CIITA: variants seen among roughly 807,000 people sequenced by gnomAD.
The protein encoded by CIITA is MHC class II transactivator.
A neutral mutation model predicts 115.1 loss-of-function variants in CIITA; 72 were observed. That is an observed-to-expected ratio of 0.63 (90% CI 0.52 to 0.76). The LOEUF (loss-of-function observed/expected upper bound fraction) is 0.76, where lower values mean the gene tolerates loss of function less well. CIITA is among the 30% of genes least tolerant of loss of function. The pLI, the probability that CIITA is intolerant of heterozygous loss-of-function variation, is 0.00. For synonymous variants in CIITA, 763 were observed against 635.6 expected, an observed-to-expected ratio of 1.20 and a Z score of -3.02; for missense variants, 1,617 against 1,463.8, an observed-to-expected ratio of 1.10 and a Z score of -1.71.
chr16:10,883,721 G>A (rs958848276), intron 1 of CIITA, among the ~76,000 whole-genome samples: 4 of 152,194 alleles, frequency 2.6e-5, no homozygotes, highest in African/African-American at 9.7e-5. Context: ...ATGGAGATTT[G>A]CATATAGGAG....
At chr16:10,908,643 G>A (rs565022058) in intron 11 of CIITA, 44 of 452,700 alleles carry the variant, frequency 9.7e-5, no homozygotes, top group South Asian at 9.2e-4. Context: ...CCACTGTCAG[G>A]ATGAAGGCTA....
At chr16:10,888,288 T>C (rs2037165561) in intron 1 of CIITA, 1 of 152,198 alleles carries the variant, frequency 6.6e-6, no homozygotes. Flanking sequence ...AAACTGAGGC[T>C]CCAAGTGGTT....
chr16:10,866,262 G>C (rs753622722), exon 1 of CIITA: 2 of 544,052 alleles, frequency 3.7e-6, no homozygotes, highest in East Asian at 3.8e-5. Context: ...CACTGGCCAG[G>C]GCAGCTGCCC....
rs201215476 is a variant in CIITA at position 10,907,010 on chromosome 16, G to C, written c.1518G>C (p.Ala506=). Residue 506 remains alanine, a synonymous_variant, in exon 11 of 20, where the codon GCG becomes GCC. Coordinates refer to ENST00000324288, the MANE Select transcript of CIITA (RefSeq NM_000246.4). The surrounding 1 kb of genome is among the most constrained non-coding windows in gnomAD (Gnocchi z 5.0). ...LILDGFEELE[A]QDGFLHSTCG... ...TAGACGGCTTCGAGGAGCTGGAAGC[G>C]CAAGATGGCTTCCTGCACAGCACGT... 6.2e-7 allele frequency: 1 copy of C among 1,609,546 alleles called. No homozygotes were observed. The highest frequency in any genetic ancestry group is 8.5e-7 in the Non-Finnish European group (1 of 1,179,838).
At chr16:10,881,433 A>G (rs2036423827) in intron 1 of CIITA, among the ~76,000 whole-genome samples, 1 of 151,934 alleles carries the variant, frequency 6.6e-6, no homozygotes, top group Non-Finnish European at 1.5e-5. Context: ...TAGGAAGGAC[A>G]TAGATAGTTT....
chr16:10,909,311 T>A, intron 12 of CIITA, 124 bp downstream of exon 12: 2 of 1,013,944 alleles, frequency 2.0e-6, no homozygotes, highest in Non-Finnish European at 3.1e-6. Flanking sequence ...CCATGCCCTC[T>A]TTCTGGGCAA....
intron 10 of CIITA, among the ~76,000 whole-genome samples, chr16:10,905,408 TC>T (rs1393802911): frequency 2.0e-5 from 3 of 152,026 alleles, no homozygotes. Flanking sequence ...TCCCATGACC[TC>T]CCCATGGTGA....
intron 13 of CIITA, chr16:10,915,141 C>G (rs926465401): frequency 2.3e-6 from 1 of 430,478 alleles, no homozygotes. Context: ...TCCTCCACCT[C>G]CTGGGCTCAA....
chr16:10,922,514 G>A, intron 18 of CIITA, 24 bp downstream of exon 18: 1 of 1,612,530 alleles, frequency 6.2e-7, no homozygotes, highest in Non-Finnish European at 8.5e-7. Context: ...ACCCTGGTGG[G>A]TGGAGAACAA....
Position 10,906,560 on chromosome 16 carries a change from G to T in CIITA, c.1068G>T (p.Pro356=). 6.2e-7 allele frequency: 1 copy of T among 1,613,160 alleles called. No individual in the cohort carries two copies. Among genetic ancestry groups the T allele is most frequent in the Non-Finnish European group, 8.5e-7 (1 of 1,180,012 alleles). ...QDTYGAEPAG[P]DGILVEVDLV... Reference sequence around the variant, plus strand: ...CGTATGGTGCCGAGCCCGCAGGCCCGGATGGCATCCTAGTGGAGGTGGATC... The same window carrying T: ...CGTATGGTGCCGAGCCCGCAGGCCCTGATGGCATCCTAGTGGAGGTGGATC... Residue 356 remains proline (P), a synonymous_variant, in exon 11 of 20, where the codon CCG becomes CCT. Transcript: ENST00000324288.
intron 5 of CIITA, among the ~76,000 whole-genome samples, chr16:10,899,217 G>C (rs1265491895): frequency 1.3e-5 from 2 of 152,156 alleles, no homozygotes; most frequent in Non-Finnish European, 2.9e-5. Flanking sequence ...CACAAGGCCT[G>C]TATGGCCCTT....
chr16:10,929,525 T>C lies in CIITA; in HGVS notation c.*5670T>C. The C allele has an allele frequency of 8.1e-6, 8 of 985,488 alleles. No homozygotes were observed. Among genetic ancestry groups the C allele is most frequent in the Non-Finnish European group, 9.6e-6 (8 of 829,932 alleles). The allele number at this position is 985,488 out of a possible 1,614,324, so 61.0% of individuals were successfully genotyped here. Reference sequence around the variant, plus strand: ...ACTCTCCTGGGTTCAAACAGGAACCTCTCTGTTGGCACGAAGCTTTTGAGG... The same window carrying C: ...ACTCTCCTGGGTTCAAACAGGAACCCCTCTGTTGGCACGAAGCTTTTGAGG... On this transcript the variant is annotated 3_prime_UTR_variant, in exon 20 of 20. Transcript: ENST00000324288. The surrounding 1 kb of genome is among the most constrained non-coding windows in gnomAD (Gnocchi z 4.3).
upstream of CIITA, among the ~76,000 whole-genome samples, chr16:10,876,053 G>C (rs2035816487): frequency 6.6e-6 from 1 of 151,972 alleles, no homozygotes; most frequent in Non-Finnish European, 1.5e-5. Context: ...GGGAGGCTGA[G>C]GCAGGAGAAT....
At chr16:10,868,982 GC>G (rs1229170608) in intron 1 of CIITA, among the ~76,000 whole-genome samples, 1 of 152,226 alleles carries the variant, frequency 6.6e-6, no homozygotes. Flanking sequence ...CTGCTGCTGG[GC>G]AGCTCTCAGA....
Position 10,907,863 on chromosome 16 carries a change from A to T in CIITA, c.2371A>T (p.Arg791Trp). The T allele has an allele frequency of 6.2e-7, 1 of 1,609,862 alleles. No homozygotes were observed. Among genetic ancestry groups the T allele is most frequent in the Non-Finnish European group, 8.5e-7 (1 of 1,177,562 alleles). ...SVDRKQKVLA[R>W]YLKRLQPGTL... ...GGACAGGAAGCAGAAGGTGCTTGCG[A>T]GGTACCTGAAGCGGCTGCAGCCGGG... The change falls in exon 11 of 20, where the codon AGG (arginine) becomes TGG (tryptophan). Residue 791 changes from arginine (R) to tryptophan (W), a missense_variant. Arg to Trp is a moderately radical substitution (Grantham distance 101). Coordinates refer to ENST00000324288, the MANE Select transcript of CIITA (RefSeq NM_000246.4). This position sits in a 1 kb window ranked among gnomAD's most constrained non-coding sequence, Gnocchi z 5.0.
chr16:10,906,414 A>T (rs1406713352), intron 10 of CIITA, 85 bp from the exon 11 acceptor site: 5 of 1,419,218 alleles, frequency 3.5e-6, no homozygotes, highest in African/African-American at 2.8e-5. Flanking sequence ...GATGTAAATG[A>T]TGGTGGCAGT....
intron 12 of CIITA, 143 bp downstream of exon 12, chr16:10,909,330 C>G (rs2039399419): frequency 1.1e-6 from 1 of 895,474 alleles, no homozygotes; most frequent in African/African-American, 1.6e-5. Context: ...AATGGCTAAC[C>G]AGAGTCTCTC....
chr16:10,907,296 C>T lies in CIITA; in HGVS notation c.1804C>T (p.Pro602Ser), dbSNP rs779887936. 2.0e-5 allele frequency: 32 copies of T among 1,613,518 alleles called. No individual in the cohort carries two copies. In the East Asian group the frequency reaches 4.7e-4, roughly 24 times the overall value. ...DRALTLLRDR[P>S]LLLSHSHSPT... ...AGCCCTGACGCTCCTCCGGGACCGGCCACTTCTTCTCAGTCACAGCCACAG... is the reference window on the plus strand; with the variant it reads ...AGCCCTGACGCTCCTCCGGGACCGGTCACTTCTTCTCAGTCACAGCCACAG... Residue 602 changes from proline (P) to serine (S), a missense_variant, in exon 11 of 20, where the codon CCA becomes TCA. Physicochemically the swap from Pro to Ser is moderately conservative, Grantham distance 74. Coordinates refer to ENST00000324288, the MANE Select transcript of CIITA (RefSeq NM_000246.4). The surrounding 1 kb of genome is among the most constrained non-coding windows in gnomAD (Gnocchi z 5.0).
At chr16:10,882,294 G>T (rs1488140465) in intron 1 of CIITA, among the ~76,000 whole-genome samples, 1 of 152,190 alleles carries the variant, frequency 6.6e-6, no homozygotes, top group Non-Finnish European at 1.5e-5. Context: ...GATGGAAGAC[G>T]AATGCCTGCA....
Sources: gnomAD v4.1 joint callset for allele counts (sites outside exome capture counted in the v4.1 genomes callset) on GRCh38, gnomAD v4.1.1 for gene constraint, Gnocchi (gnomAD v3.1) non-coding constraint, MANE v1.5 for transcripts, NCBI Gene and HGNC (gene_info 2026-07-23, HGNC 2026-07-21) for gene names.